The following ATP1A2 variants were observed in gnomAD, a reference collection of about 807,000 sequenced individuals.
ATP1A2 encodes the protein sodium/potassium-transporting ATPase subunit alpha-2.
A neutral mutation model predicts 113.1 loss-of-function variants in ATP1A2; 56 were observed. The ratio of observed to expected loss-of-function variants is 0.49; its 90% CI spans 0.40 to 0.62. The LOEUF (loss-of-function observed/expected upper bound fraction) is 0.62, where lower values mean the gene tolerates loss of function less well. Ranked by LOEUF, ATP1A2 falls within the 20% of genes least tolerant of loss-of-function variation. The pLI is 0.00. For missense variants in ATP1A2, 712 were observed against 1,357.8 expected, an observed-to-expected ratio of 0.52 and a Z score of 7.47; for synonymous variants, 490 against 526.8, an observed-to-expected ratio of 0.93 and a Z score of 0.96.
intron 1 of ATP1A2, among the ~76,000 whole-genome samples, chr1:160,116,345 G>A (rs139993464): frequency 2.2e-3 from 335 of 152,232 alleles, no homozygotes; most frequent in African/African-American, 7.0e-3. Context: ...TAGAGCATCC[G>A]GCTCCCAGAG....
rs1322596980 is a variant in ATP1A2, at chr1:160,141,522, A to G, written c.*200A>G. On this transcript the variant is annotated 3_prime_UTR_variant, in exon 23 of 23. Transcript: ENST00000361216. ...CATAGACCTAACTGTGAACAATCAG[A>G]TTAGACACTATGTGTTAGAGTCCCC... The G allele has an allele frequency of 3.0e-6, 2 of 667,524 alleles. No homozygotes were observed. Among genetic ancestry groups the G allele is most frequent in the Non-Finnish European group, 5.4e-6 (2 of 368,282 alleles). The allele number at this position is 667,524 out of a possible 1,614,324, so 41.4% of individuals were successfully genotyped here.
chr1:160,126,566 C>T (rs997290069), intron 7 of ATP1A2, among the ~76,000 whole-genome samples: 1 of 152,128 alleles, frequency 6.6e-6, no homozygotes, highest in African/African-American at 2.4e-5. Context: ...ACCTCCCAGG[C>T]TCAAGCGATC....
chr1:160,118,850 A>T (rs1447752396), intron 1 of ATP1A2, among the ~76,000 whole-genome samples: 1 of 152,078 alleles, frequency 6.6e-6, no homozygotes, highest in Non-Finnish European at 1.5e-5. Context: ...TGAACAAGGC[A>T]GCTGCCATAC....
rs775863278 is a variant in ATP1A2, at chr1:160,135,151, C to T, written c.1971C>T (p.Ala657=). 1.2e-6 allele frequency: 2 copies of T among 1,614,002 alleles called. No individual in the cohort carries two copies. The highest frequency in any genetic ancestry group is 1.7e-6 in the Non-Finnish European group (2 of 1,180,022). ...IPMSQVNPRE[A]KACVVHGSDL... ...GTCCCCACCCACCCTCCAGAGAAGC[C>T]AAGGCATGCGTGGTGCACGGCTCTG... The change falls in exon 15 of 23, where the codon GCC becomes GCT. Residue 657 remains alanine (A), a synonymous_variant. Transcript: ENST00000361216. This position sits in a 1 kb window ranked among gnomAD's most constrained non-coding sequence, Gnocchi z 6.3.
chr1:160,121,110 C>T, intron 2 of ATP1A2, 82 bp from the exon 3 acceptor site: 2 of 1,599,322 alleles, frequency 1.3e-6, no homozygotes, highest in Non-Finnish European at 1.7e-6. Flanking sequence ...CCATGCTGCT[C>T]AACTCACCCC....
chr1:160,116,000 A>G, intron 1 of ATP1A2, 127 bp downstream of exon 1: 1 of 1,437,146 alleles, frequency 7.0e-7, no homozygotes. Flanking sequence ...TGGAACTTGA[A>G]ACTAACAGTC....
Position 160,135,358 on chromosome 1 carries a change from A to G in ATP1A2, c.2115+63A>G. The G allele has an allele frequency of 6.2e-7, 1 of 1,614,174 alleles. No individual in the cohort carries two copies. The highest frequency in any genetic ancestry group is 8.5e-7 in the Non-Finnish European group (1 of 1,180,006). On this transcript the variant is annotated intron_variant, in intron 15 of 22. Transcript: ENST00000361216. This position sits in a 1 kb window ranked among gnomAD's most constrained non-coding sequence, Gnocchi z 6.3. ...CCGGGGAGGCAGGGACAGGGCCAAG[A>G]CAAGCATGGAGTGAGAGGCGAGGAG... is the stretch of plus-strand genomic sequence containing the variant.
chr1:160,135,341 G>T lies in ATP1A2; in HGVS notation c.2115+46G>T, dbSNP rs767039776. The T allele has an allele frequency of 3.7e-6, 6 of 1,614,116 alleles. No individual in the cohort carries two copies. The highest frequency in any genetic ancestry group is 1.7e-5 in the Admixed American group (1 of 60,010). Reference sequence around the variant, plus strand: ...CAGATGACAGGCAGGGACCGGGGAGGCAGGGACAGGGCCAAGACAAGCATG... The same window carrying T: ...CAGATGACAGGCAGGGACCGGGGAGTCAGGGACAGGGCCAAGACAAGCATG... On this transcript the variant is annotated intron_variant, in intron 15 of 22. Coordinates refer to ENST00000361216, the MANE Select transcript of ATP1A2 (RefSeq NM_000702.4). The surrounding 1 kb of genome is among the most constrained non-coding windows in gnomAD (Gnocchi z 6.3).
intron 22 of ATP1A2, among the ~76,000 whole-genome samples, chr1:160,140,927 A>G (rs2101999726): frequency 7.4e-6 from 1 of 135,040 alleles, no homozygotes; most frequent in African/African-American, 2.9e-5. Flanking sequence ...CAGTGGCACG[A>G]TCTCGGCTCA....
intron 10 of ATP1A2, 48 bp from the exon 11 acceptor site, chr1:160,129,218 A>G: frequency 1.9e-6 from 3 of 1,613,112 alleles, no homozygotes; most frequent in East Asian, 4.5e-5. Flanking sequence ...CTGATCCTCC[A>G]CTCCCTTCCC....
chr1:160,118,200 A>G (rs1651251042), intron 1 of ATP1A2, among the ~76,000 whole-genome samples: 1 of 152,276 alleles, frequency 6.6e-6, no homozygotes, highest in African/African-American at 2.4e-5. Flanking sequence ...TGCATGGACC[A>G]GCAAGTTTTT....
chr1:160,130,168 C>G lies in ATP1A2; in HGVS notation c.1528C>G (p.Arg510Gly). The change falls in exon 12 of 23, where the codon CGC becomes GGC. Residue 510 changes from arginine to glycine, a missense_variant. Transcript: ENST00000361216. ...GCTGGTGATGAAGGGGGCCCCAGAG[C>G]GCATTCTGGACCGGTGCTCCACCAT... ...HVLVMKGAPE[R>G]ILDRCSTILV... 6.2e-7 allele frequency: 1 copy of G among 1,614,184 alleles called. No individual in the cohort carries two copies. Among genetic ancestry groups the G allele is most frequent in the East Asian group, 2.2e-5 (1 of 44,870 alleles).
chr1:160,117,148 G>A (rs1237761047), intron 1 of ATP1A2, among the ~76,000 whole-genome samples: 1 of 152,168 alleles, frequency 6.6e-6, no homozygotes, highest in Non-Finnish European at 1.5e-5. Context: ...GCCCTTAGGA[G>A]CTGTGAGGTA....
chr1:160,130,709 T>A (rs1651745359), intron 13 of ATP1A2, 112 bp downstream of exon 13: 1 of 1,436,820 alleles, frequency 7.0e-7, no homozygotes, highest in Non-Finnish European at 9.5e-7. Flanking sequence ...TCCTTCCCAC[T>A]GACTCAGAGA....
chr1:160,136,327 G>A lies in ATP1A2; in HGVS notation c.2520G>A (p.Lys840=), dbSNP rs587780283. The A allele has an allele frequency of 3.0e-5, 48 of 1,614,072 alleles. No individual in the cohort carries two copies. The highest frequency in any genetic ancestry group is 3.8e-5 in the Non-Finnish European group (45 of 1,180,036). ...KRQPRNSQTD[K]LVNERLISMA... ...AGCCACGAAACTCCCAGACGGACAA[G>A]CTGGTGAATGAGAGGCTCATCAGCA... Residue 840 remains lysine (K), a synonymous_variant, in exon 18 of 23, where the codon AAG becomes AAA. Transcript: ENST00000361216.
chr1:160,129,926 A>G (rs1253422358), intron 11 of ATP1A2, among the ~76,000 whole-genome samples, 176 bp from the exon 12 acceptor site: 1 of 152,184 alleles, frequency 6.6e-6, no homozygotes, highest in Non-Finnish European at 1.5e-5. Flanking sequence ...CTCTCAGGTT[A>G]CAAGTGTTGG....
At position 160,137,023 on chromosome 1, in the gene ATP1A2, G is replaced by A. The variant is rs1204861879; in HGVS notation, c.2832G>A (p.Gln944=). 7 of 1,614,058 alleles carry A rather than the reference G, an allele frequency of 4.3e-6. No homozygotes were observed. The highest frequency in any genetic ancestry group is 5.1e-6 in the Non-Finnish European group (6 of 1,180,052). ...CCCGCCGCAACTCAGTCTTCCAGCA[G>A]GGCATGAAGTGAGTGCCCACCCCCA... ...CKTRRNSVFQ[Q]GMKNKILIFG... The change falls in exon 20 of 23, where the codon CAG becomes CAA. Residue 944 remains glutamine (Q), a synonymous_variant. Coordinates refer to ENST00000361216, the MANE Select transcript of ATP1A2 (RefSeq NM_000702.4).
rs143209501 is a variant in ATP1A2, at chr1:160,136,339, G to A, written c.2532G>A (p.Glu844=). Residue 844 remains glutamate (E), a synonymous_variant, in exon 18 of 23, where the codon GAG becomes GAA. Coordinates refer to ENST00000361216, the MANE Select transcript of ATP1A2 (RefSeq NM_000702.4). Reference sequence around the variant, plus strand: ...CCCAGACGGACAAGCTGGTGAATGAGAGGCTCATCAGCATGGCCTACGGAC... The same window carrying A: ...CCCAGACGGACAAGCTGGTGAATGAAAGGCTCATCAGCATGGCCTACGGAC... The part of the protein sequence containing the change: ...RNSQTDKLVN[E]RLISMAYGQI... The A allele has an allele frequency of 9.9e-6, 16 of 1,614,216 alleles. No individual in the cohort carries two copies. The East Asian group carries it at 3.6e-4, about 36-fold the overall frequency.
intron 22 of ATP1A2, 108 bp from the exon 23 acceptor site, chr1:160,141,186 C>G: frequency 7.2e-7 from 1 of 1,382,068 alleles, no homozygotes; most frequent in Non-Finnish European, 1.0e-6. Context: ...GTGCCCTTCA[C>G]CAGGCTTCTC....
Sources: allele counts gnomAD v4.1 joint callset (sites outside exome capture counted in the v4.1 genomes callset), GRCh38; gene constraint gnomAD v4.1.1; non-coding constraint Gnocchi (gnomAD v3.1); transcripts MANE v1.5; gene names NCBI Gene and HGNC (gene_info 2026-07-23, HGNC 2026-07-21).